Variants in SH3KBP1 observed in about 807,000 individuals in gnomAD.
SH3KBP1 encodes SH3 domain containing kinase binding protein 1, also known as SH3 domain-containing kinase-binding protein 1.
Under a neutral mutation model 50.1 loss-of-function variants are expected in SH3KBP1, and 8 were observed. That is an observed-to-expected ratio of 0.16 (90% confidence interval 0.09 to 0.29). SH3KBP1 has a LOEUF of 0.29. Among genes scored for constraint, SH3KBP1 ranks in the 10% least tolerant of loss-of-function variants. SH3KBP1 has a pLI of 1.00. For missense variants in SH3KBP1, 377 were observed against 535.2 expected, an observed-to-expected ratio of 0.70 and a Z score of 2.92; for synonymous variants, 227 against 218.6, an observed-to-expected ratio of 1.04 and a Z score of -0.34.
intron 6 of SH3KBP1, among the ~76,000 whole-genome samples, chrX:19,682,969 C>T (rs1231206985): frequency 2.7e-5 from 3 of 110,437 alleles, no homozygotes; most frequent in Non-Finnish European, 5.7e-5. Context: ...AGAGAGGTTG[C>T]CAATACCCCG....
chrX:19,772,990 T>C (rs778688353), intron 2 of SH3KBP1, among the ~76,000 whole-genome samples: 1 of 111,606 alleles, frequency 9.0e-6, no homozygotes, highest in African/African-American at 3.3e-5. Context: ...GTTTCTGGGG[T>C]AGCCCGTTTA....
intron 1 of SH3KBP1, among the ~76,000 whole-genome samples, chrX:19,869,844 T>C (rs754857178): frequency 8.9e-6 from 1 of 112,634 alleles, no homozygotes; most frequent in Admixed American, 9.4e-5. Flanking sequence ...GAACATATAC[T>C]GGCACAACAC....
chrX:19,542,133 C>T lies in SH3KBP1; in HGVS notation c.1684G>A (p.Gly562Arg). Residue 562 changes from glycine (G) to arginine (R), a missense_variant, in exon 16 of 18, where the codon GGG (glycine) becomes AGG (arginine). By Grantham distance (125) the Gly-to-Arg change is moderately radical. This residue lies in a region of SH3KBP1 where 110 missense variants were observed against 124.1 expected (regional missense o/e 0.89). Transcript: ENST00000397821. The part of the protein sequence containing the change: ...KPGTMAAGGG[G>R]PAPLSSAAPS... ...GCCGCTGAGGACAGAGGGGCTGGCCCACCGCCACCTGCTGCCATGGTCCCC... is the reference window on the plus strand; with the variant it reads ...GCCGCTGAGGACAGAGGGGCTGGCCTACCGCCACCTGCTGCCATGGTCCCC... 8.3e-7 allele frequency: 1 copy of T among 1,200,431 alleles called. No homozygotes were observed. Among genetic ancestry groups the T allele is most frequent in the Non-Finnish European group, 1.1e-6 (1 of 888,829 alleles).
At chrX:19,789,588 C>T (rs768821121) in intron 2 of SH3KBP1, among the ~76,000 whole-genome samples, 1 of 109,089 alleles carries the variant, frequency 9.2e-6, no homozygotes, top group Admixed American at 9.7e-5. Flanking sequence ...TGGTATCTCT[C>T]GGTGAGCCCT....
chrX:19,879,410 C>T (rs1237321066), intron 1 of SH3KBP1, among the ~76,000 whole-genome samples: 1 of 111,547 alleles, frequency 9.0e-6, no homozygotes, highest in African/African-American at 3.3e-5. Context: ...CATTGTCACT[C>T]TGCCTCTCTG....
chrX:19,589,403 A>T (rs2066671332), intron 11 of SH3KBP1, among the ~76,000 whole-genome samples: 1 of 111,740 alleles, frequency 8.9e-6, no homozygotes, highest in Non-Finnish European at 1.9e-5. Flanking sequence ...TGGCCTCTGA[A>T]AAGGGCCATG....
chrX:19,735,393 TAGAA>T (rs1039890296), intron 3 of SH3KBP1, among the ~76,000 whole-genome samples: 2 of 110,304 alleles, frequency 1.8e-5, no homozygotes, highest in African/African-American at 6.6e-5. Context: ...AAGTAGAAAG[TAGAA>T]AGGCTATTAA....
At chrX:19,834,275 C>T (rs762548746) in intron 2 of SH3KBP1, among the ~76,000 whole-genome samples, 3 of 111,969 alleles carry the variant, frequency 2.7e-5, no homozygotes, top group Non-Finnish European at 3.8e-5. Flanking sequence ...GCTCCTTTGG[C>T]GGGGGTCACC....
At chrX:19,643,304 T>A (rs1602782792) in intron 7 of SH3KBP1, among the ~76,000 whole-genome samples, 2 of 92,322 alleles carry the variant, frequency 2.2e-5, no homozygotes, top group Non-Finnish European at 4.1e-5. Context: ...TGAAGAATTT[T>A]TTATTTTTTT....
At chrX:19,554,073 C>CATTATATATATTAAAATATAAT (rs2065364161) in intron 13 of SH3KBP1, among the ~76,000 whole-genome samples, 1 of 46,482 alleles carries the variant, frequency 2.2e-5, no homozygotes, top group Non-Finnish European at 3.3e-5. Flanking sequence ...TATTAAAATA[C>CATTATATATATTAAAATATAAT]ATTATATATA....
intron 13 of SH3KBP1, among the ~76,000 whole-genome samples, chrX:19,552,000 C>A (rs1361968663): frequency 8.9e-6 from 1 of 112,138 alleles, no homozygotes; most frequent in Admixed American, 9.4e-5. Flanking sequence ...TATAATCTTA[C>A]CACATCAAGA....
chrX:19,641,089 C>T (rs1162933912), intron 7 of SH3KBP1, among the ~76,000 whole-genome samples: 1 of 112,131 alleles, frequency 8.9e-6, no homozygotes, highest in East Asian at 2.8e-4. Context: ...TCTTTCCTTG[C>T]TTTGTTTGTG....
At chrX:19,878,503 TGTGAGAGA>T (rs1383316315) in intron 1 of SH3KBP1, among the ~76,000 whole-genome samples, 81 of 78,880 alleles carry the variant, frequency 1.0e-3, no homozygotes, top group Non-Finnish European at 1.6e-3. Flanking sequence ...TGTGTGTGTG[TGTGAGAGA>T]GAGAGAGAGA....
In SH3KBP1 at chrX:19,744,421, G is replaced by T. The variant is rs930498239; in HGVS notation, c.286+1897C>A. On this transcript the variant is annotated intron_variant, in intron 3 of 17. Transcript: ENST00000397821. ...CAGAATACTGGTAGTCTTGACTGGT[G>T]GGGGAGGGCCAGAGGCAGCCCTGGG... 5.4e-5 allele frequency among the ~76,000 whole-genome samples: 6 copies of T among 111,905 alleles called. No individual in the cohort carries two copies. The East Asian group carries it at 1.4e-3, about 26-fold the overall frequency.
intron 12 of SH3KBP1, among the ~76,000 whole-genome samples, chrX:19,571,726 T>C (rs2066012411): frequency 9.0e-6 from 1 of 110,851 alleles, no homozygotes; most frequent in Admixed American, 9.6e-5. Context: ...ACCAGACAGC[T>C]CTGTCCTTTT....
At chrX:19,549,417 A>C (rs2147633289) in intron 14 of SH3KBP1, among the ~76,000 whole-genome samples, 1 of 111,466 alleles carries the variant, frequency 9.0e-6, no homozygotes, top group South Asian at 3.8e-4. Context: ...CAACCCAAAC[A>C]AAAATCTTCT....
At chrX:19,752,294 T>A (rs1217939992) in intron 2 of SH3KBP1, among the ~76,000 whole-genome samples, 1 of 112,358 alleles carries the variant, frequency 8.9e-6, no homozygotes, top group Non-Finnish European at 1.9e-5. Flanking sequence ...TTCTGTCATC[T>A]GTAAAAGAGG....
intron 3 of SH3KBP1, among the ~76,000 whole-genome samples, chrX:19,721,952 T>C (rs2064068732): frequency 8.9e-6 from 1 of 111,762 alleles, no homozygotes; most frequent in African/African-American, 3.3e-5. Flanking sequence ...CAGTGAGCCA[T>C]GACTGCACCA....
chrX:19,672,900 T>C (rs1342808916), intron 6 of SH3KBP1, among the ~76,000 whole-genome samples: 2 of 94,668 alleles, frequency 2.1e-5, no homozygotes, highest in Non-Finnish European at 4.0e-5. Context: ...CTACTAAAAA[T>C]ACAAAAATTA....
Sources: gnomAD v4.1 joint callset for allele counts (sites outside exome capture counted in the v4.1 genomes callset) on GRCh38, gnomAD v4.1.1 for gene constraint, gnomAD v4.1.1 regional missense constraint, MANE v1.5 for transcripts, NCBI Gene and HGNC (gene_info 2026-07-23, HGNC 2026-07-21) for gene names.